Variants in DGKG observed in about 807,000 individuals in gnomAD.
DGKG encodes DAG kinase gamma.
DGKG carries 78 observed loss-of-function variants against 105.3 expected under a neutral mutation model. That is an observed-to-expected ratio of 0.74 (90% CI 0.62 to 0.89). The LOEUF is 0.89. Ranked by LOEUF, DGKG falls within the 40% of genes least tolerant of loss-of-function variation. The pLI is 0.00. For synonymous variants in DGKG, 346 were observed against 367.1 expected, an observed-to-expected ratio of 0.94 and a Z score of 0.66; for missense variants, 958 against 1,020.1, an observed-to-expected ratio of 0.94 and a Z score of 0.83.
intron 5 of DGKG, among the ~76,000 whole-genome samples, chr3:186,289,877 C>T (rs1030878611): frequency 3.9e-5 from 6 of 152,154 alleles, no homozygotes; most frequent in African/African-American, 1.2e-4. Flanking sequence ...TTCGGAGAAA[C>T]AAATAACCAA....
chr3:186,208,041 T>C (rs1718837188), intron 21 of DGKG, among the ~76,000 whole-genome samples: 1 of 152,028 alleles, frequency 6.6e-6, no homozygotes, highest in Admixed American at 6.6e-5. Flanking sequence ...TTTCTTTCTT[T>C]CTTTTTTTTC....
intron 14 of DGKG, among the ~76,000 whole-genome samples, chr3:186,264,079 C>G (rs546419840): frequency 2.0e-5 from 3 of 152,212 alleles, no homozygotes; most frequent in Non-Finnish European, 4.4e-5. Context: ...AGTGGGGGCT[C>G]TGCCCCATCA....
In DGKG at chr3:186,210,228, T is replaced by C. The variant is rs1718967409; in HGVS notation, c.1917+1567A>G. On this transcript the variant is annotated intron_variant, in intron 21 of 24. Transcript: ENST00000265022. This position sits in a 1 kb window ranked among gnomAD's most constrained non-coding sequence, Gnocchi z 5.2. ...CTGTGCGCCTGCAGCTGGCTGTGGTTAGGCCAGGGCTGTCCCTCACTTGTG... is the reference window on the plus strand; with the variant it reads ...CTGTGCGCCTGCAGCTGGCTGTGGTCAGGCCAGGGCTGTCCCTCACTTGTG... 6.6e-6 allele frequency among the ~76,000 whole-genome samples: 1 copy of C among 152,210 alleles called. No homozygotes were observed. The highest frequency in any genetic ancestry group is 6.5e-5 in the Admixed American group (1 of 15,290).
At chr3:186,165,805 TTAA>T (rs1341751776) in intron 22 of DGKG, among the ~76,000 whole-genome samples, 3 of 152,262 alleles carry the variant, frequency 2.0e-5, no homozygotes, top group Non-Finnish European at 4.4e-5. Flanking sequence ...AGTAGCAGGA[TTAA>T]TGTTTGATGT....
Position 186,361,068 on chromosome 3 carries a change from A to AG in DGKG, c.-249+877dup, listed in dbSNP as rs1727207640. ...TCCCGCCGCGGGGGGCGACTGGGGGAGGGGTCTCGACCGCCACCCTGAGTT... is the reference window on the plus strand; with the variant it reads ...TCCCGCCGCGGGGGGCGACTGGGGGAGGGGGTCTCGACCGCCACCCTGAGTT... On this transcript the variant is annotated intron_variant, in intron 1 of 24. Coordinates refer to ENST00000265022, the MANE Select transcript of DGKG (RefSeq NM_001346.3). This position sits in a 1 kb window ranked among gnomAD's most constrained non-coding sequence, Gnocchi z 6.8. Among the ~76,000 whole-genome samples the AG allele has an allele frequency of 6.6e-6, 1 of 152,036 alleles. No homozygotes were observed. The highest frequency in any genetic ancestry group is 1.5e-5 in the Non-Finnish European group (1 of 67,982).
At chr3:186,256,450 C>T (rs902735906) in intron 17 of DGKG, among the ~76,000 whole-genome samples, 3 of 152,192 alleles carry the variant, frequency 2.0e-5, no homozygotes, top group African/African-American at 7.2e-5. Flanking sequence ...GGCCACTTCT[C>T]ACCACCACTC....
intron 3 of DGKG, among the ~76,000 whole-genome samples, chr3:186,303,811 A>G (rs555843563): frequency 6.6e-6 from 1 of 152,310 alleles, no homozygotes; most frequent in Admixed American, 6.5e-5. Flanking sequence ...GCCACTCTGC[A>G]AAGTTTTATT....
At chr3:186,233,051 G>T (rs1472715252) in intron 20 of DGKG, among the ~76,000 whole-genome samples, 3 of 152,208 alleles carry the variant, frequency 2.0e-5, no homozygotes, top group South Asian at 2.1e-4. Flanking sequence ...ATGCCCTGAA[G>T]ATGTCCACGT....
intron 1 of DGKG, among the ~76,000 whole-genome samples, chr3:186,332,979 T>C (rs561353704): frequency 9.2e-5 from 14 of 152,274 alleles, no homozygotes; most frequent in Non-Finnish European, 1.6e-4. Context: ...GGACTCTATG[T>C]AGAATCACCA....
intron 2 of DGKG, among the ~76,000 whole-genome samples, chr3:186,310,288 A>AAAAAAAAAAAAC (rs1724472908): frequency 1.4e-5 from 2 of 148,090 alleles, no homozygotes; most frequent in Non-Finnish European, 3.0e-5. Flanking sequence ...AAAAAAAAAA[A>AAAAAAAAAAAAC]ACCACACACA....
At chr3:186,279,997 T>C (rs774441767) in intron 8 of DGKG, 24 bp from the exon 9 acceptor site, 1 of 1,613,030 alleles carries the variant, frequency 6.2e-7, no homozygotes. Context: ...AGAGCAATCA[T>C]TGTCCATTTT....
chr3:186,280,499 A>G (rs746633631), intron 8 of DGKG, among the ~76,000 whole-genome samples, 171 bp downstream of exon 8: 2 of 152,070 alleles, frequency 1.3e-5, no homozygotes, highest in Admixed American at 6.6e-5. Context: ...TGCTGCCTAC[A>G]TTTTTCCTAT....
chr3:186,234,549 G>C (rs758653938), intron 20 of DGKG, among the ~76,000 whole-genome samples: 1 of 152,114 alleles, frequency 6.6e-6, no homozygotes, highest in South Asian at 2.1e-4. Context: ...AAAACATAGC[G>C]TGCTTTCAAG....
At chr3:186,184,557 G>A (rs986842224) in intron 22 of DGKG, among the ~76,000 whole-genome samples, 2 of 152,100 alleles carry the variant, frequency 1.3e-5, no homozygotes, top group South Asian at 4.2e-4. Flanking sequence ...GTGCTACCAT[G>A]CCTGGCTAAT....
At chr3:186,345,354 A>AGTCTTAC (rs1726278640) in intron 1 of DGKG, among the ~76,000 whole-genome samples, 1 of 152,230 alleles carries the variant, frequency 6.6e-6, no homozygotes, top group African/African-American at 2.4e-5. Context: ...TTTATTAAAA[A>AGTCTTAC]TGAGTGATTT....
intron 2 of DGKG, among the ~76,000 whole-genome samples, chr3:186,320,007 T>C (rs1725003919): frequency 6.6e-6 from 1 of 152,230 alleles, no homozygotes; most frequent in African/African-American, 2.4e-5. Flanking sequence ...AGAGCTTTAA[T>C]GACCTGAGCA....
chr3:186,311,542 G>A (rs1343125765), intron 2 of DGKG, among the ~76,000 whole-genome samples: 1 of 152,092 alleles, frequency 6.6e-6, no homozygotes, highest in East Asian at 1.9e-4. Flanking sequence ...GGTTACCAGT[G>A]CCCTAAGAAG....
intron 1 of DGKG, among the ~76,000 whole-genome samples, chr3:186,350,660 C>A (rs1726585795): frequency 6.6e-6 from 1 of 152,172 alleles, no homozygotes; most frequent in African/African-American, 2.4e-5. Context: ...TTTGAGGACC[C>A]ACTGTGCTGT....
intron 1 of DGKG, among the ~76,000 whole-genome samples, chr3:186,354,982 T>C (rs902867366): frequency 1.3e-5 from 2 of 152,100 alleles, no homozygotes; most frequent in African/African-American, 4.8e-5. Flanking sequence ...AATTCTTAGA[T>C]CTGCCCCAAA....
Sources: gnomAD v4.1 joint callset for allele counts (sites outside exome capture counted in the v4.1 genomes callset) on GRCh38, gnomAD v4.1.1 for gene constraint, Gnocchi (gnomAD v3.1) non-coding constraint, MANE v1.5 for transcripts, NCBI Gene and HGNC (gene_info 2026-07-23, HGNC 2026-07-21) for gene names.